The following ITIH5 variants were observed in gnomAD, a reference collection of about 807,000 sequenced individuals.
ITIH5 encodes inter-alpha-trypsin inhibitor heavy chain 5.
ITIH5 carries 65 observed loss-of-function variants against 77.5 expected under a neutral mutation model. The ratio of observed to expected loss-of-function variants is 0.84; its 90% CI spans 0.69 to 1.03. The LOEUF (loss-of-function observed/expected upper bound fraction) is 1.03. Ranked by LOEUF, ITIH5 falls within the 50% of genes least tolerant of loss-of-function variation. The pLI, the probability that ITIH5 is intolerant of heterozygous loss-of-function variation, is 0.00. For missense variants in ITIH5, 1,208 were observed against 1,213.1 expected (o/e 1.00, Z 0.06); for synonymous variants, 525 against 494.3 (o/e 1.06, Z -0.82).
chr10:7,619,385 A>C (rs1833432033), intron 5 of ITIH5: 1 of 153,006 alleles, frequency 6.5e-6, no homozygotes, highest in African/African-American at 2.4e-5. Flanking sequence ...TCTCATCTGT[A>C]AAATGGATTA....
chr10:7,609,507 G>T, intron 7 of ITIH5: 1 of 456,318 alleles, frequency 2.2e-6, no homozygotes, highest in South Asian at 1.6e-5. Context: ...AGAGCATAAA[G>T]TAAGCCTGTG....
intron 5 of ITIH5, among the ~76,000 whole-genome samples, chr10:7,623,802 C>CAAAAAAAAAAAAAAAAA (rs55790282): frequency 1.2e-5 from 1 of 80,368 alleles, no homozygotes; most frequent in African/African-American, 4.9e-5. Flanking sequence ...GACTCCATCT[C>CAAAAAAAAAAAAAAAAA]AAAAAAAAAA....
chr10:7,598,638 T>C (rs1267340740), intron 7 of ITIH5, among the ~76,000 whole-genome samples: 2 of 152,216 alleles, frequency 1.3e-5, no homozygotes, highest in Non-Finnish European at 2.9e-5. Context: ...TTGTGCTATA[T>C]AATATCGCAA....
intron 7 of ITIH5, among the ~76,000 whole-genome samples, chr10:7,604,007 C>T (rs545185864): frequency 6.6e-6 from 1 of 152,154 alleles, no homozygotes; most frequent in Admixed American, 6.5e-5. Flanking sequence ...GGGGGAATCC[C>T]CTGCAGCATA....
intron 2 of ITIH5, among the ~76,000 whole-genome samples, chr10:7,644,380 C>CACAT: frequency 2.0e-5 from 2 of 101,650 alleles, no homozygotes; most frequent in South Asian, 3.6e-4. Context: ...ATATATATCA[C>CACAT]ATATATCACA....
chr10:7,633,961 C>T (rs570276078), intron 5 of ITIH5, among the ~76,000 whole-genome samples: 18 of 151,844 alleles, frequency 1.2e-4, no homozygotes, highest in East Asian at 5.8e-4. Flanking sequence ...TGGTGGTGGG[C>T]GCCTGTAATC....
intron 8 of ITIH5, among the ~76,000 whole-genome samples, chr10:7,581,920 A>G (rs1196981468): frequency 1.4e-5 from 2 of 140,626 alleles, no homozygotes; most frequent in African/African-American, 2.7e-5. Context: ...CTTTCGCCCA[A>G]GGTGGAATGC....
intron 2 of ITIH5, among the ~76,000 whole-genome samples, chr10:7,644,900 C>CATAT (rs200933857): frequency 5.4e-5 from 3 of 55,768 alleles, no homozygotes; most frequent in African/African-American, 8.5e-5. Flanking sequence ...ATATATATCA[C>CATAT]ATATATATAT....
At position 7,581,058 on chromosome 10, in the gene ITIH5, G is replaced by A. The variant is rs59822930; in HGVS notation, c.1109-994C>T. On this transcript the variant is annotated intron_variant, in intron 8 of 13. Transcript: ENST00000397146. Reference sequence around the variant, plus strand: ...GTGGATCACCTGAGGTCAGGAGTTCGAGACCAGCCTCGCTAACATGGCAAA... The same window carrying A: ...GTGGATCACCTGAGGTCAGGAGTTCAAGACCAGCCTCGCTAACATGGCAAA... Among the ~76,000 whole-genome samples, 1,116 of 152,174 alleles carry A rather than the reference G, an allele frequency of 7.3e-3. 9 individuals are homozygous for A. Among genetic ancestry groups the A allele is most frequent in the African/African-American group, 0.025 (1,039 of 41,502 alleles).
In ITIH5 at chr10:7,563,085, A is replaced by C. The variant is rs113706314; in HGVS notation, c.2827T>G (p.Ter943GlyextTer5). 9.9e-6 allele frequency: 16 copies of C among 1,613,090 alleles called. No individual in the cohort carries two copies. In the African/African-American group the frequency reaches 1.3e-4, roughly 14 times the overall value. ...TLGRGMSREL[*>G] ...TTGCATCTTTAAGGCTGCCAGCTTC[A>C]GAGCTCCCTGGACATTCCCCGGCCA... The change falls in exon 14 of 14, where the codon TGA becomes GGA. Residue 943 changes from the stop codon to glycine (G), a stop_lost. Transcript: ENST00000397146.
chr10:7,594,926 C>T (rs1832864755), intron 7 of ITIH5, among the ~76,000 whole-genome samples: 1 of 152,334 alleles, frequency 6.6e-6, no homozygotes, highest in South Asian at 2.1e-4. Context: ...CAGAGGTCAA[C>T]CCACAAGAGG....
chr10:7,565,316 C>T (rs111068231), intron 13 of ITIH5, among the ~76,000 whole-genome samples: 4 of 105,360 alleles, frequency 3.8e-5, no homozygotes, highest in African/African-American at 9.3e-5. Flanking sequence ...TATATATATA[C>T]ACACACACAT....
chr10:7,615,182 G>C (rs1189517665), intron 7 of ITIH5, among the ~76,000 whole-genome samples: 1 of 152,078 alleles, frequency 6.6e-6, no homozygotes, highest in East Asian at 1.9e-4. Context: ...AGAAGGCAGA[G>C]GTTGCATGCA....
chr10:7,627,141 G>A (rs1208238398), intron 5 of ITIH5, among the ~76,000 whole-genome samples: 1 of 151,970 alleles, frequency 6.6e-6, no homozygotes, highest in Admixed American at 6.6e-5. Context: ...CAAAAACGGG[G>A]TGGTGGGCAA....
At chr10:7,654,994 A>C (rs915658378) in intron 2 of ITIH5, among the ~76,000 whole-genome samples, 1 of 152,204 alleles carries the variant, frequency 6.6e-6, no homozygotes, top group Non-Finnish European at 1.5e-5. Flanking sequence ...TCTCAATCCA[A>C]ACAAAGATAG....
At position 7,619,286 on chromosome 10, in the gene ITIH5, G is replaced by A. The variant is rs77231168; in HGVS notation, c.653-2004C>T. The A allele has an allele frequency of 7.5e-3, 1,150 of 152,580 alleles. 8 individuals are homozygous for A. The highest frequency in any genetic ancestry group is 0.013 in the Admixed American group (198 of 15,320). The allele number at this position is 152,580 out of a possible 1,614,324, so 9.5% of individuals were successfully genotyped here. A position where few individuals can be genotyped will look rare whatever the true frequency, so the allele number is the denominator to read the frequency against. ...GCATCATAATATATCAGCTAAGAACGCACGATCATGGTCAGAAACCTGCAT... is the reference window on the plus strand; with the variant it reads ...GCATCATAATATATCAGCTAAGAACACACGATCATGGTCAGAAACCTGCAT... On this transcript the variant is annotated intron_variant, in intron 5 of 13. Coordinates refer to ENST00000397146, the MANE Select transcript of ITIH5 (RefSeq NM_030569.7).
In ITIH5 at chr10:7,628,502, C is replaced by T. The variant is rs1228332942; in HGVS notation, c.652+8726G>A. 3.9e-5 allele frequency among the ~76,000 whole-genome samples: 6 copies of T among 152,262 alleles called. No homozygotes were observed. In the South Asian group the frequency reaches 1.2e-3, roughly 32 times the overall value. Reference sequence around the variant, plus strand: ...CATGTGTCTGTGTTATAGTGTGTATCCATGTTGTAGCATGTATGTGCATTG... The same window carrying T: ...CATGTGTCTGTGTTATAGTGTGTATTCATGTTGTAGCATGTATGTGCATTG... On this transcript the variant is annotated intron_variant, in intron 5 of 13. Coordinates refer to ENST00000397146, the MANE Select transcript of ITIH5 (RefSeq NM_030569.7).
intron 11 of ITIH5, among the ~76,000 whole-genome samples, chr10:7,571,209 C>T (rs1832290216): frequency 1.3e-5 from 2 of 151,942 alleles, no homozygotes; most frequent in Admixed American, 1.3e-4. Context: ...AAAAACTGAC[C>T]CCCAGAGGAG....
chr10:7,581,217 G>A lies in ITIH5; in HGVS notation c.1109-1153C>T, dbSNP rs186935004. On this transcript the variant is annotated intron_variant, in intron 8 of 13. Transcript: ENST00000397146. ...GGAAGTTGCAGTGAGCCAAGATCGT[G>A]CCATTGCACTCCAGCCTGGGAAACA... Among the ~76,000 whole-genome samples, 1,044 of 152,266 alleles carry A rather than the reference G, an allele frequency of 6.9e-3. 13 individuals are homozygous for A. The highest frequency in any genetic ancestry group is 0.024 in the African/African-American group (1,010 of 41,538).
Sources: allele counts gnomAD v4.1 joint callset (sites outside exome capture counted in the v4.1 genomes callset), GRCh38; gene constraint gnomAD v4.1.1; transcripts MANE v1.5; gene names NCBI Gene and HGNC (gene_info 2026-07-23, HGNC 2026-07-21).